PALS2: variants seen among roughly 807,000 people sequenced by gnomAD.
The protein encoded by PALS2 is protein PALS2.
Under a neutral mutation model 61.6 loss-of-function variants are expected in PALS2, and 27 were observed. That is an observed-to-expected ratio of 0.44 (90% CI 0.32 to 0.60). The LOEUF is 0.60. Ranked by LOEUF, PALS2 falls within the 20% of genes least tolerant of loss-of-function variation. PALS2 has a pLI of 0.05. For missense variants in PALS2, 554 were observed against 639.4 expected (o/e 0.87, Z 1.44); for synonymous variants, 236 against 218.6 (o/e 1.08, Z -0.70).
chr7:24,582,073 T>A (rs1312479580), intron 1 of PALS2, among the ~76,000 whole-genome samples: 1 of 152,234 alleles, frequency 6.6e-6, no homozygotes, highest in Admixed American at 6.5e-5. Context: ...TGTGAAGCAG[T>A]CTGCATATAA....
intron 11 of PALS2, among the ~76,000 whole-genome samples, chr7:24,686,477 C>T (rs1229673248): frequency 6.6e-6 from 1 of 151,956 alleles, no homozygotes; most frequent in African/African-American, 2.4e-5. Flanking sequence ...CCTGCTGTTT[C>T]CTCTGCCTGA....
chr7:24,582,222 A>G lies in PALS2; in HGVS notation c.-3+8629A>G, dbSNP rs180843701. On this transcript the variant is annotated intron_variant, in intron 1 of 11. Transcript: ENST00000222644. ...CTTCCCAAAGCATCAACTGATTTTC[A>G]TATAAAGAATATAACTCCCATCATC... is the stretch of plus-strand genomic sequence containing the variant. Among the ~76,000 whole-genome samples the G allele has an allele frequency of 2.4e-3, 367 of 152,350 alleles. 2 individuals carry two copies. Among genetic ancestry groups the G allele is most frequent in the African/African-American group, 8.4e-3 (348 of 41,578 alleles).
chr7:24,611,702 A>G (rs1784118483), intron 1 of PALS2, among the ~76,000 whole-genome samples: 1 of 152,010 alleles, frequency 6.6e-6, no homozygotes, highest in African/African-American at 2.4e-5. Context: ...AGTTAGGGAC[A>G]TTGATATTTT....
intron 2 of PALS2, among the ~76,000 whole-genome samples, chr7:24,626,965 A>G (rs1198181485): frequency 6.6e-6 from 1 of 152,222 alleles, no homozygotes; most frequent in East Asian, 1.9e-4. Flanking sequence ...GCTCAACAAG[A>G]CAGAAAATTA....
intron 11 of PALS2, among the ~76,000 whole-genome samples, chr7:24,682,070 T>C (rs1277156335): frequency 6.6e-6 from 1 of 152,208 alleles, no homozygotes; most frequent in Non-Finnish European, 1.5e-5. Flanking sequence ...GTGAGCTTTG[T>C]TCTAGGATGC....
At chr7:24,598,361 A>C (rs1282452309) in intron 1 of PALS2, among the ~76,000 whole-genome samples, 3 of 152,142 alleles carry the variant, frequency 2.0e-5, no homozygotes, top group Admixed American at 6.6e-5. Flanking sequence ...TACCCAGCTC[A>C]GTCTTTAGTT....
chr7:24,632,936 G>A (rs1252197695), intron 2 of PALS2, among the ~76,000 whole-genome samples: 2 of 151,238 alleles, frequency 1.3e-5, no homozygotes, highest in Non-Finnish European at 2.9e-5. Flanking sequence ...CCTTGATTTT[G>A]CAGTATACGT....
intron 1 of PALS2, among the ~76,000 whole-genome samples, chr7:24,586,177 G>A (rs1033380942): frequency 1.3e-5 from 2 of 151,872 alleles, no homozygotes; most frequent in Admixed American, 1.3e-4. Context: ...AATTGAAGAT[G>A]TTAGGGGAAA....
rs78440150 is a variant in PALS2 at position 24,654,486 on chromosome 7, G to A, written c.651+3774G>A. Among the ~76,000 whole-genome samples, 619 of 152,224 alleles carry A rather than the reference G, an allele frequency of 4.1e-3. 1 individual carries two copies. Among genetic ancestry groups the A allele is most frequent in the Non-Finnish European group, 6.2e-3 (419 of 68,004 alleles). On this transcript the variant is annotated intron_variant, in intron 5 of 11. Coordinates refer to ENST00000222644, the MANE Select transcript of PALS2 (RefSeq NM_001303037.2). ...GCATTTCTGTATGTCATCAGCAAAC[G>A]TCTAGAAATGTAACTATGACATCAT...
chr7:24,640,774 C>G (rs1785493257), intron 2 of PALS2, among the ~76,000 whole-genome samples: 1 of 151,856 alleles, frequency 6.6e-6, no homozygotes, highest in Non-Finnish European at 1.5e-5. Context: ...TTTGGGAGGC[C>G]GAGGCGGGTG....
At position 24,691,176 on chromosome 7, in the gene PALS2, TA is replaced by T. The variant is rs1788448714; in HGVS notation, c.*3564del. ...TTATTTTGAATTGGCAAACTAAAGA[TA>T]ACAATTTTGAAAATTGCTCAAAATA... On this transcript the variant is annotated 3_prime_UTR_variant, in exon 12 of 12. Transcript: ENST00000222644. 3.2e-4 allele frequency: 49 copies of T among 151,940 alleles called. 1 individual carries two copies. The highest frequency in any genetic ancestry group is 3.2e-3 in the Admixed American group (49 of 15,256). The allele number at this position is 151,940 out of a possible 1,614,324, so 9.4% of individuals were successfully genotyped here. A position where few individuals can be genotyped will look rare whatever the true frequency, so the allele number is the denominator to read the frequency against.
chr7:24,666,550 T>A (rs1284532802), intron 8 of PALS2, among the ~76,000 whole-genome samples: 1 of 152,190 alleles, frequency 6.6e-6, no homozygotes, highest in African/African-American at 2.4e-5. Context: ...TCTAATAGAA[T>A]TCTGTCTTAA....
rs577439658 is a variant in PALS2, at chr7:24,655,865, C to T, written c.651+5153C>T. Among the ~76,000 whole-genome samples the T allele has an allele frequency of 3.3e-5, 5 of 152,074 alleles. No homozygotes were observed. The South Asian group carries it at 8.3e-4, about 25-fold the overall frequency. The stretch of plus-strand genomic sequence containing the variant: ...TTTTAAAATAAAATTTTTTATTTGG[C>T]TGAGGCTTCAATTTGTGGCCCTCAG... On this transcript the variant is annotated intron_variant, in intron 5 of 11. Transcript: ENST00000222644.
At chr7:24,599,581 T>C (rs1783644352) in intron 1 of PALS2, among the ~76,000 whole-genome samples, 1 of 143,538 alleles carries the variant, frequency 7.0e-6, no homozygotes, top group Non-Finnish European at 1.5e-5. Flanking sequence ...CTGGGCTCAC[T>C]ACAACTTCTG....
intron 7 of PALS2, 73 bp from the exon 8 acceptor site, chr7:24,665,948 G>T: frequency 7.1e-7 from 1 of 1,411,326 alleles, no homozygotes; most frequent in East Asian, 2.3e-5. Context: ...TCCCACCCCT[G>T]TAAAATACTA....
intron 11 of PALS2, among the ~76,000 whole-genome samples, chr7:24,681,140 G>C (rs1787904939): frequency 6.6e-6 from 1 of 151,884 alleles, no homozygotes; most frequent in African/African-American, 2.4e-5. Context: ...TCATTAACAG[G>C]CATGTTTATT....
At chr7:24,592,080 G>T (rs975507901) in intron 1 of PALS2, among the ~76,000 whole-genome samples, 1 of 152,034 alleles carries the variant, frequency 6.6e-6, no homozygotes, top group African/African-American at 2.4e-5. Flanking sequence ...TTCCACCTCA[G>T]CTGGGACTGT....
intron 1 of PALS2, among the ~76,000 whole-genome samples, chr7:24,592,840 T>G (rs2128044020): frequency 6.6e-6 from 1 of 152,212 alleles, no homozygotes; most frequent in East Asian, 1.9e-4. Context: ...AGTTGAAGTC[T>G]TTTGCTGGTG....
intron 3 of PALS2, among the ~76,000 whole-genome samples, chr7:24,648,897 T>A (rs1785986231): frequency 6.9e-6 from 1 of 144,362 alleles, no homozygotes; most frequent in African/African-American, 2.7e-5. Flanking sequence ...AGAGTGAGAC[T>A]CTGTCTCAAA....
Sources: allele counts gnomAD v4.1 joint callset (sites outside exome capture counted in the v4.1 genomes callset), GRCh38; gene constraint gnomAD v4.1.1; transcripts MANE v1.5; gene names NCBI Gene and HGNC (gene_info 2026-07-23, HGNC 2026-07-21).